Variants in OXR1 observed in about 807,000 individuals in gnomAD.
OXR1 encodes the protein oxidation resistance 1, also known as oxidation resistance protein 1.
Under a neutral mutation model 104.6 loss-of-function variants are expected in OXR1, and 41 were observed. The ratio of observed to expected loss-of-function variants is 0.39; its 90% CI spans 0.31 to 0.51. The LOEUF (loss-of-function observed/expected upper bound fraction) is 0.51, where lower values mean the gene tolerates loss of function less well. Among genes scored for constraint, OXR1 ranks in the 20% least tolerant of loss-of-function variants. OXR1 has a pLI of 0.77. For missense variants in OXR1, 955 were observed against 1,031.9 expected (o/e 0.93, Z 1.02); for synonymous variants, 348 against 348.4 (o/e 1.00, Z 0.01).
chr8:106,679,283 T>C lies in OXR1; in HGVS notation c.294T>C (p.Ile98=). 1 of 1,561,306 alleles carries C rather than the reference T, an allele frequency of 6.4e-7. No individual in the cohort carries two copies. Among genetic ancestry groups the C allele is most frequent in the Non-Finnish European group, 8.8e-7 (1 of 1,135,620 alleles). The part of the protein sequence containing the change: ...RMSFQKPKGT[I]EYTVESRDSL... ...CTTTTCAGAAACCTAAAGGGACTATTGAGTATACTGTAAGTTATTTGCTTT... is the reference window on the plus strand; with the variant it reads ...CTTTTCAGAAACCTAAAGGGACTATCGAGTATACTGTAAGTTATTTGCTTT... Residue 98 remains isoleucine, a synonymous_variant, in exon 4 of 17, where the codon ATT becomes ATC. Transcript: ENST00000517566.
rs139413400 is a variant in OXR1 at position 106,698,590 on chromosome 8, C to T, written c.676-4316C>T. 3.2e-4 allele frequency among the ~76,000 whole-genome samples: 48 copies of T among 152,178 alleles called. No individual in the cohort carries two copies. In the East Asian group the frequency reaches 8.9e-3, roughly 28 times the overall value. On this transcript the variant is annotated intron_variant, in intron 7 of 16. Transcript: ENST00000517566. ...ATACTCCATTCACTTTTTTCCTTCTCTTTTCATTTTGGATAATTTTAATTG... is the reference window on the plus strand; with the variant it reads ...ATACTCCATTCACTTTTTTCCTTCTTTTTTCATTTTGGATAATTTTAATTG...
At chr8:106,655,762 A>G (rs1181568821) in intron 3 of OXR1, among the ~76,000 whole-genome samples, 1 of 152,202 alleles carries the variant, frequency 6.6e-6, no homozygotes, top group African/African-American at 2.4e-5. Flanking sequence ...GATTTTAGAG[A>G]CATTACGACT....
Position 106,551,827 on chromosome 8 carries a change from C to CAT in OXR1, c.220+32697_220+32698dup, listed in dbSNP as rs56997959. Reference sequence around the variant, plus strand: ...ATATATATATATACACACACACACACATATATATATGTGTACATATATGTG... The same window carrying CAT: ...ATATATATATATACACACACACACACATATATATATATGTGTACATATATGTG... On this transcript the variant is annotated intron_variant, in intron 3 of 16. Coordinates refer to ENST00000517566, the MANE Select transcript of OXR1 (RefSeq NM_001198533.2). Among the ~76,000 whole-genome samples the CAT allele has an allele frequency of 5.4e-3, 764 of 141,718 alleles. 10 individuals carry two copies. The highest frequency in any genetic ancestry group is 0.019 in the African/African-American group (696 of 37,536). The allele number at this position is 141,718 out of a possible 152,430, so 93.0% of individuals were successfully genotyped here.
intron 1 of OXR1, among the ~76,000 whole-genome samples, chr8:106,336,904 C>T (rs568302989): frequency 1.3e-5 from 2 of 152,068 alleles, no homozygotes; most frequent in Admixed American, 6.5e-5. Flanking sequence ...CATTTAGATA[C>T]TGAGCTAATT....
At chr8:106,450,219 A>G (rs1001950171) in intron 2 of OXR1, among the ~76,000 whole-genome samples, 1 of 152,178 alleles carries the variant, frequency 6.6e-6, no homozygotes, top group Non-Finnish European at 1.5e-5. Flanking sequence ...GCTTATGAAG[A>G]CGTTCCTCAT....
intron 2 of OXR1, among the ~76,000 whole-genome samples, chr8:106,507,365 AT>A (rs1179746611): frequency 6.6e-6 from 1 of 152,256 alleles, no homozygotes; most frequent in Non-Finnish European, 1.5e-5. Context: ...CCAAGATCCC[AT>A]AATAAGAAGG....
In OXR1 at chr8:106,706,706, A is replaced by G; in HGVS notation, c.1185A>G (p.Arg395=). Residue 395 remains arginine (R), a synonymous_variant, in exon 9 of 17, where the codon AGA becomes AGG. Transcript: ENST00000517566. ...SESTGTPGHL[R]SDTEHSTNEV... is the part of the protein sequence containing the mutation. ...CTACTGGTACTCCTGGTCACTTAAGATCTGATACTGAACATTCTACAAATG... is the reference window on the plus strand; with the variant it reads ...CTACTGGTACTCCTGGTCACTTAAGGTCTGATACTGAACATTCTACAAATG... 2 of 1,612,392 alleles carry G rather than the reference A, an allele frequency of 1.2e-6. No individual in the cohort carries two copies. Among genetic ancestry groups the G allele is most frequent in the Non-Finnish European group, 1.7e-6 (2 of 1,179,372 alleles).
intron 3 of OXR1, among the ~76,000 whole-genome samples, chr8:106,667,504 C>A (rs1212693015): frequency 1.3e-5 from 2 of 152,114 alleles, no homozygotes; most frequent in African/African-American, 2.4e-5. Context: ...AGGTGACTTA[C>A]AATGAAAAGT....
intron 2 of OXR1, among the ~76,000 whole-genome samples, chr8:106,493,742 A>G (rs1811247255): frequency 6.6e-6 from 1 of 152,144 alleles, no homozygotes; most frequent in South Asian, 2.1e-4. Context: ...ATACTTGTTT[A>G]CATTCTACAT....
chr8:106,507,496 C>T (rs539386707), intron 2 of OXR1, among the ~76,000 whole-genome samples: 14 of 152,266 alleles, frequency 9.2e-5, no homozygotes, highest in Non-Finnish European at 1.9e-4. Context: ...CAAAAAGTAC[C>T]TTTTGAAATT....
chr8:106,637,924 G>T (rs958530416), intron 3 of OXR1, among the ~76,000 whole-genome samples: 1 of 151,940 alleles, frequency 6.6e-6, no homozygotes, highest in East Asian at 1.9e-4. Flanking sequence ...ACCATGCCCG[G>T]CTACTTTTTT....
At chr8:106,599,184 A>G (rs1234079152) in intron 3 of OXR1, among the ~76,000 whole-genome samples, 1 of 152,154 alleles carries the variant, frequency 6.6e-6, no homozygotes, top group Non-Finnish European at 1.5e-5. Flanking sequence ...CTTTCTCCCC[A>G]GTTGCTATTT....
intron 2 of OXR1, among the ~76,000 whole-genome samples, chr8:106,506,705 G>T (rs1027409271): frequency 2.0e-5 from 3 of 150,400 alleles, no homozygotes; most frequent in African/African-American, 7.4e-5. Flanking sequence ...GCAGAGGGAG[G>T]CCCAACTGGA....
At chr8:106,509,996 T>G (rs1477727574) in intron 2 of OXR1, among the ~76,000 whole-genome samples, 2 of 152,120 alleles carry the variant, frequency 1.3e-5, no homozygotes, top group East Asian at 3.9e-4. Flanking sequence ...GGTTGCGAAC[T>G]CCTGACCTCA....
intron 1 of OXR1, among the ~76,000 whole-genome samples, chr8:106,305,223 C>T (rs1813420738): frequency 6.6e-6 from 1 of 152,072 alleles, no homozygotes; most frequent in Non-Finnish European, 1.5e-5. Context: ...TTTTATGTTT[C>T]ATTCTTTTTT....
chr8:106,360,068 T>G (rs1816173532), intron 2 of OXR1, among the ~76,000 whole-genome samples: 1 of 152,194 alleles, frequency 6.6e-6, no homozygotes, highest in South Asian at 2.1e-4. Context: ...CTACCCAGAT[T>G]AAACTGAATA....
intron 1 of OXR1, among the ~76,000 whole-genome samples, chr8:106,346,796 T>G (rs1815501773): frequency 6.6e-6 from 1 of 152,144 alleles, no homozygotes; most frequent in South Asian, 2.1e-4. Flanking sequence ...TCCCAGCACT[T>G]TGGGAGGCCA....
At chr8:106,623,426 A>G (rs1821888285) in intron 3 of OXR1, among the ~76,000 whole-genome samples, 1 of 152,158 alleles carries the variant, frequency 6.6e-6, no homozygotes, top group Non-Finnish European at 1.5e-5. Flanking sequence ...TGAAATGAAA[A>G]CATGCATTGA....
At chr8:106,574,623 CA>C (rs1793455704) in intron 3 of OXR1, among the ~76,000 whole-genome samples, 1 of 152,222 alleles carries the variant, frequency 6.6e-6, no homozygotes, top group South Asian at 2.1e-4. Context: ...AAGGCTTTGG[CA>C]CAGACCCTCT....
Sources: allele counts gnomAD v4.1 joint callset (sites outside exome capture counted in the v4.1 genomes callset), GRCh38; gene constraint gnomAD v4.1.1; transcripts MANE v1.5; gene names NCBI Gene and HGNC (gene_info 2026-07-23, HGNC 2026-07-21).